Variants in OSTF1 observed in about 807,000 individuals in gnomAD.
The protein encoded by OSTF1 is osteoclast stimulating factor 1.
Under a neutral mutation model 37.2 loss-of-function variants are expected in OSTF1, and 27 were observed. The observed-to-expected ratio is 0.73, with a 90% CI of 0.54 to 1.00. The LOEUF (loss-of-function observed/expected upper bound fraction) is 1.00. OSTF1 is among the 50% of genes least tolerant of loss of function. The probability of loss-of-function intolerance (pLI) is 0.00; values close to 1 mark genes in which losing one functional copy is unlikely to be tolerated. For missense variants in OSTF1, 232 were observed against 253.8 expected, an observed-to-expected ratio of 0.91 and a Z score of 0.58; for synonymous variants, 82 against 89.2, an observed-to-expected ratio of 0.92 and a Z score of 0.46.
Position 75,116,740 on chromosome 9 carries a change from G to A in OSTF1, c.35-764G>A, listed in dbSNP as rs189774653. On this transcript the variant is annotated intron_variant, in intron 1 of 9. Coordinates refer to ENST00000346234, the MANE Select transcript of OSTF1 (RefSeq NM_012383.5). ...GATTTGTTTATGTTAAGATGGTCAT[G>A]TTTATATTTTTAAACTTAGATCTCA... Among the ~76,000 whole-genome samples, 366 of 151,104 alleles carry A rather than the reference G, an allele frequency of 2.4e-3. 1 individual carries two copies. The highest frequency in any genetic ancestry group is 4.2e-3 in the Non-Finnish European group (287 of 67,872).
intron 7 of OSTF1, among the ~76,000 whole-genome samples, chr9:75,134,845 G>A (rs1211393585): frequency 1.3e-5 from 2 of 152,018 alleles, no homozygotes; most frequent in Non-Finnish European, 2.9e-5. Flanking sequence ...TGTCTAAATA[G>A]TGTTCACTGC....
At position 75,128,491 on chromosome 9, in the gene OSTF1, TATATTTTGTCC is replaced by T. The variant is rs1213468061; in HGVS notation, c.132+877_132+887del. On this transcript the variant is annotated intron_variant, in intron 3 of 9. Coordinates refer to ENST00000346234, the MANE Select transcript of OSTF1 (RefSeq NM_012383.5). ...TATATTTTGTCCATATATATATATATATATTTTGTCCATATATATATATATATATTTTGTCC... is the reference window on the plus strand; with the variant it reads ...TATATTTTGTCCATATATATATATATATATATATATATATATATTTTGTCC... 1.2e-3 allele frequency among the ~76,000 whole-genome samples: 59 copies of T among 50,070 alleles called. 23 individuals are homozygous for T. Among genetic ancestry groups the T allele is most frequent in the African/African-American group, 5.6e-3 (59 of 10,582 alleles). 32.8% of individuals were successfully genotyped at this position (50,070 alleles called of 152,430 possible). A position where few individuals can be genotyped will look rare whatever the true frequency, so the allele number is the denominator to read the frequency against.
At chr9:75,133,052 T>C (rs1312512373) in intron 5 of OSTF1, among the ~76,000 whole-genome samples, 1 of 151,192 alleles carries the variant, frequency 6.6e-6, no homozygotes, top group Non-Finnish European at 1.5e-5. Context: ...ACCTTAAGTA[T>C]ACCCATTTGG....
chr9:75,132,805 A>G (rs899903495), intron 5 of OSTF1, among the ~76,000 whole-genome samples: 2 of 152,210 alleles, frequency 1.3e-5, no homozygotes, highest in African/African-American at 2.4e-5. Context: ...AGTTTAGCAT[A>G]TAAGAGCAGC....
intron 1 of OSTF1, among the ~76,000 whole-genome samples, chr9:75,091,107 A>G (rs931534807): frequency 1.2e-3 from 140 of 113,844 alleles, no homozygotes; most frequent in Non-Finnish European, 6.1e-4. Flanking sequence ...TTTTTTTGAG[A>G]CAGACTCTCG....
chr9:75,117,719 C>T (rs1319047334), intron 2 of OSTF1, among the ~76,000 whole-genome samples, 169 bp downstream of exon 2: 1 of 152,174 alleles, frequency 6.6e-6, no homozygotes, highest in Non-Finnish European at 1.5e-5. Context: ...GGCTGATTTG[C>T]ATGTCTTCTG....
intron 1 of OSTF1, among the ~76,000 whole-genome samples, chr9:75,093,040 TTCTC>T (rs35457828): frequency 6.9e-6 from 1 of 145,470 alleles, no homozygotes; most frequent in East Asian, 2.0e-4. Context: ...CTTTCTTTCT[TTCTC>T]TCTCTCTCTT....
rs57516721 is a variant in OSTF1, at chr9:75,128,581, C to CATATAT, written c.132+983_132+988dup. Among the ~76,000 whole-genome samples the CATATAT allele has an allele frequency of 3.3e-3, 7 of 2,102 alleles. 2 individuals carry two copies. The highest frequency in any genetic ancestry group is 6.0e-3 in the South Asian group (1 of 166). The allele number at this position is 2,102 out of a possible 152,430, so 1.4% of individuals were successfully genotyped here. A position where few individuals can be genotyped will look rare whatever the true frequency, so the allele number is the denominator to read the frequency against. On this transcript the variant is annotated intron_variant, in intron 3 of 9. Transcript: ENST00000346234. ...TATATATATATATATATATTTTGTC[C>CATATAT]ATATATATATATATATATATATATA...
Position 75,088,583 on chromosome 9 carries a change from G to T in OSTF1, c.-110G>T. ...AGGGTGGGCGCCGGTCCTAGGAGGC[G>T]CACGGTTGTAAGCCAGACAAAAAGA... On this transcript the variant is annotated 5_prime_UTR_variant, in exon 1 of 10. Transcript: ENST00000346234. 8.3e-7 allele frequency: 1 copy of T among 1,198,078 alleles called. No individual in the cohort carries two copies. Among genetic ancestry groups the T allele is most frequent in the Non-Finnish European group, 1.2e-6 (1 of 827,416 alleles). The allele number at this position is 1,198,078 out of a possible 1,614,324, so 74.2% of individuals were successfully genotyped here. A position where few individuals can be genotyped will look rare whatever the true frequency, so the allele number is the denominator to read the frequency against.
intron 7 of OSTF1, among the ~76,000 whole-genome samples, chr9:75,137,152 T>A (rs1825855943): frequency 6.6e-6 from 1 of 152,208 alleles, no homozygotes. Context: ...TTATGAGTAC[T>A]TTAAACCAAT....
intron 2 of OSTF1, among the ~76,000 whole-genome samples, chr9:75,119,936 C>T (rs763197519): frequency 1.2e-4 from 18 of 151,702 alleles, no homozygotes; most frequent in Non-Finnish European, 2.2e-4. Context: ...TGCACTCCAG[C>T]CTGGCGACAG....
At chr9:75,123,283 G>A (rs562450553) in intron 2 of OSTF1, among the ~76,000 whole-genome samples, 79 of 152,322 alleles carry the variant, frequency 5.2e-4, no homozygotes, top group African/African-American at 1.9e-3. Context: ...TCAGCCGGGC[G>A]AGGTGGCAGG....
intron 1 of OSTF1, among the ~76,000 whole-genome samples, chr9:75,098,072 A>G (rs1029294698): frequency 2.0e-5 from 3 of 152,012 alleles, no homozygotes; most frequent in Non-Finnish European, 4.4e-5. Flanking sequence ...TGCTCAGGCT[A>G]GTTTCTTCAT....
chr9:75,113,586 C>G (rs1825430142), intron 1 of OSTF1, among the ~76,000 whole-genome samples: 1 of 152,060 alleles, frequency 6.6e-6, no homozygotes, highest in Non-Finnish European at 1.5e-5. Flanking sequence ...GTAACTGGTA[C>G]TACAAGTGCA....
intron 2 of OSTF1, among the ~76,000 whole-genome samples, chr9:75,126,361 TTG>T (rs1406987318): frequency 6.6e-6 from 1 of 152,222 alleles, no homozygotes; most frequent in Admixed American, 6.5e-5. Flanking sequence ...TTGGAAATTT[TTG>T]TGTCTATTTA....
At chr9:75,097,703 G>A (rs185306812) in intron 1 of OSTF1, among the ~76,000 whole-genome samples, 106 of 151,474 alleles carry the variant, frequency 7.0e-4, no homozygotes, top group Admixed American at 2.7e-3. Flanking sequence ...AATGGGGGTT[G>A]GACATGCTTC....
chr9:75,142,677 G>A (rs551171916), intron 9 of OSTF1, among the ~76,000 whole-genome samples: 1 of 152,220 alleles, frequency 6.6e-6, no homozygotes, highest in African/African-American at 2.4e-5. Context: ...AGTGTGTTTA[G>A]TCTACCTTCC....
chr9:75,113,255 G>A (rs980950856), intron 1 of OSTF1, among the ~76,000 whole-genome samples: 1 of 152,052 alleles, frequency 6.6e-6, no homozygotes, highest in African/African-American at 2.4e-5. Flanking sequence ...CACACTTGGC[G>A]TAATGAATGT....
intron 1 of OSTF1, among the ~76,000 whole-genome samples, chr9:75,110,043 G>T (rs1255725057): frequency 6.6e-6 from 1 of 152,106 alleles, no homozygotes; most frequent in Non-Finnish European, 1.5e-5. Flanking sequence ...TTCTTAAAAA[G>T]ACATTTGTTA....
Sources: gnomAD v4.1 joint callset for allele counts (sites outside exome capture counted in the v4.1 genomes callset) on GRCh38, gnomAD v4.1.1 for gene constraint, MANE v1.5 for transcripts, NCBI Gene and HGNC (gene_info 2026-07-23, HGNC 2026-07-21) for gene names.